Variants in PCDH15 observed in about 807,000 individuals in gnomAD.
PCDH15 encodes protocadherin related 15, also known as protocadherin-15.
Under a neutral mutation model 178.5 loss-of-function variants are expected in PCDH15, and 129 were observed. That is an observed-to-expected ratio of 0.72 (90% confidence interval 0.63 to 0.84). The LOEUF (loss-of-function observed/expected upper bound fraction) is 0.84. Ranked by LOEUF, PCDH15 falls within the 40% of genes least tolerant of loss-of-function variation. The probability of loss-of-function intolerance (pLI) is 0.00; values close to 1 mark genes in which losing one functional copy is unlikely to be tolerated. For missense variants in PCDH15, 2,230 were observed against 2,099.9 expected (o/e 1.06, Z -1.21); for synonymous variants, 800 against 732.0 (o/e 1.09, Z -1.50).
At chr10:55,340,800 CA>C (rs1319848226) in intron 2 of PCDH15, among the ~76,000 whole-genome samples, 12 of 151,822 alleles carry the variant, frequency 7.9e-5, no homozygotes, top group Admixed American at 2.6e-4. Flanking sequence ...TTTTATGTAA[CA>C]AACATTTATA....
At chr10:55,205,762 T>C (rs1435464246) in intron 1 of PCDH15, among the ~76,000 whole-genome samples, 1 of 152,000 alleles carries the variant, frequency 6.6e-6, no homozygotes, top group African/African-American at 2.4e-5. Context: ...ACCTTCCGTA[T>C]TAGCCGTTTT....
chr10:53,903,237 G>C lies in PCDH15; in HGVS notation c.3501+6C>G, dbSNP rs370178425. ...TAGTTCTGTATATTAACATAATTCCGCATACCTTCACTCTGAGTACAGAAG... is the reference window on the plus strand; with the variant it reads ...TAGTTCTGTATATTAACATAATTCCCCATACCTTCACTCTGAGTACAGAAG... On this transcript the variant is annotated splice_donor_region_variant and intron_variant, in intron 26 of 37. Coordinates refer to ENST00000644397, the MANE Select transcript of PCDH15 (RefSeq NM_001384140.1). The C allele has an allele frequency of 6.2e-7, 1 of 1,612,036 alleles. No individual in the cohort carries two copies. Among genetic ancestry groups the C allele is most frequent in the East Asian group, 2.2e-5 (1 of 44,770 alleles).
chr10:54,596,904 A>G (rs138328632), intron 2 of PCDH15, among the ~76,000 whole-genome samples: 111 of 152,290 alleles, frequency 7.3e-4, no homozygotes, highest in Admixed American at 1.4e-3. Flanking sequence ...TAACTAGCCT[A>G]TATATACATG....
intron 1 of PCDH15, among the ~76,000 whole-genome samples, chr10:54,697,665 AG>A (rs1232032048): frequency 2.0e-4 from 5 of 25,192 alleles, no homozygotes; most frequent in Middle Eastern, 0.036. Flanking sequence ...AGGAAGGGGA[AG>A]GGGGAAGGGG....
chr10:54,960,914 A>C (rs140330030), intron 2 of PCDH15, among the ~76,000 whole-genome samples: 1 of 152,372 alleles, frequency 6.6e-6, no homozygotes, highest in East Asian at 1.9e-4. Context: ...AGAACATCCT[A>C]TAACACATAG....
chr10:54,747,221 C>G (rs912554188), intron 1 of PCDH15, among the ~76,000 whole-genome samples: 2 of 152,172 alleles, frequency 1.3e-5, no homozygotes, highest in African/African-American at 4.8e-5. Flanking sequence ...TAGGGAATGA[C>G]GAGATCCCTT....
chr10:55,604,685 CT>C (rs1394500093), intron 2 of PCDH15, among the ~76,000 whole-genome samples: 1 of 147,134 alleles, frequency 6.8e-6, no homozygotes, highest in Non-Finnish European at 1.5e-5. Context: ...TAAAGATGTT[CT>C]TTGAAACCAA....
rs535365425 is a variant in PCDH15 at position 54,133,154 on chromosome 10, A to G, written c.1785-147T>C. Reference sequence around the variant, plus strand: ...AATACAATCAAAATGAAAGGATAGAAAAAACTACCACCAAAGTATAATGGT... The same window carrying G: ...AATACAATCAAAATGAAAGGATAGAGAAAACTACCACCAAAGTATAATGGT... On this transcript the variant is annotated intron_variant, in intron 14 of 37. Coordinates refer to ENST00000644397, the MANE Select transcript of PCDH15 (RefSeq NM_001384140.1). The G allele has an allele frequency of 5.0e-3, 4,721 of 938,822 alleles. 16 individuals are homozygous for G. Among genetic ancestry groups the G allele is most frequent in the Middle Eastern group, 0.02 (67 of 3,376 alleles). 58.2% of individuals were successfully genotyped at this position (938,822 alleles called of 1,614,324 possible). A position where few individuals can be genotyped will look rare whatever the true frequency, so the allele number is the denominator to read the frequency against.
chr10:55,424,558 T>G (rs1000531686), intron 2 of PCDH15, among the ~76,000 whole-genome samples: 13 of 152,150 alleles, frequency 8.5e-5, no homozygotes, highest in Non-Finnish European at 5.9e-5. Context: ...ATGAACACTT[T>G]CCAGGCTACA....
chr10:55,105,984 T>G (rs1053453613), intron 2 of PCDH15, among the ~76,000 whole-genome samples: 21 of 152,130 alleles, frequency 1.4e-4, no homozygotes, highest in African/African-American at 5.1e-4. Flanking sequence ...CCATTTTCAA[T>G]GACAATACTC....
intron 8 of PCDH15, among the ~76,000 whole-genome samples, chr10:54,281,155 A>G (rs1476989694): frequency 1.3e-5 from 2 of 151,946 alleles, no homozygotes. Context: ...TTAATTAGCT[A>G]GAAAAATTCT....
chr10:54,552,131 C>T (rs1375493290), intron 2 of PCDH15, among the ~76,000 whole-genome samples: 2 of 151,994 alleles, frequency 1.3e-5, no homozygotes, highest in South Asian at 4.1e-4. Context: ...TTAAATTAGA[C>T]ATATTTCAGT....
At chr10:54,997,063 C>A (rs972919857) in intron 2 of PCDH15, among the ~76,000 whole-genome samples, 1 of 150,524 alleles carries the variant, frequency 6.6e-6, no homozygotes, top group Non-Finnish European at 1.5e-5. Flanking sequence ...GAGCTGAGAT[C>A]GCACCACTGC....
At chr10:55,215,171 T>G (rs551486884) in intron 1 of PCDH15, among the ~76,000 whole-genome samples, 2 of 152,074 alleles carry the variant, frequency 1.3e-5, no homozygotes, top group South Asian at 4.1e-4. Flanking sequence ...GTAAGACAAA[T>G]ACAACAATGA....
intron 3 of PCDH15, among the ~76,000 whole-genome samples, chr10:54,466,431 G>C (rs75366436): frequency 0.096 from 14,532 of 151,798 alleles, 886 homozygotes; most frequent in East Asian, 0.28. Context: ...ATTGAAGAGG[G>C]TGTATTTTCC....
At chr10:55,341,468 T>C (rs1265071443) in intron 2 of PCDH15, among the ~76,000 whole-genome samples, 4 of 151,840 alleles carry the variant, frequency 2.6e-5, no homozygotes, top group Non-Finnish European at 4.4e-5. Flanking sequence ...GCCAATTTAA[T>C]CAATAATTAT....
intron 1 of PCDH15, among the ~76,000 whole-genome samples, chr10:54,718,487 G>C (rs1018489696): frequency 2.0e-5 from 3 of 151,862 alleles, no homozygotes; most frequent in Admixed American, 6.6e-5. Context: ...AGCCCTGAAA[G>C]CACCCAGAAC....
intron 2 of PCDH15, among the ~76,000 whole-genome samples, chr10:55,624,003 G>A (rs530115031): frequency 6.6e-6 from 1 of 152,082 alleles, no homozygotes; most frequent in East Asian, 1.9e-4. Flanking sequence ...TTCTAGAGCA[G>A]CAAAACAAAA....
chr10:54,325,741 T>C lies in PCDH15; in HGVS notation c.705+3855A>G, dbSNP rs548682584. ...TCTAGCCTGGGCAACATAGCAATAC[T>C]CTCCTCCCCTCCCAAAAAGAAAATC... is the stretch of plus-strand genomic sequence containing the variant. On this transcript the variant is annotated intron_variant, in intron 7 of 37. Coordinates refer to ENST00000644397, the MANE Select transcript of PCDH15 (RefSeq NM_001384140.1). Among the ~76,000 whole-genome samples the C allele has an allele frequency of 1.2e-3, 181 of 151,898 alleles. 1 individual carries two copies. The highest frequency in any genetic ancestry group is 4.1e-3 in the African/African-American group (171 of 41,430).
Sources: gnomAD v4.1 joint callset for allele counts (sites outside exome capture counted in the v4.1 genomes callset) on GRCh38, gnomAD v4.1.1 for gene constraint, MANE v1.5 for transcripts, NCBI Gene and HGNC (gene_info 2026-07-23, HGNC 2026-07-21) for gene names.